The following ZFHX3 variants were observed in gnomAD, a reference collection of about 807,000 sequenced individuals.
The protein encoded by ZFHX3 is zinc finger homeobox 3, also known as zinc finger homeobox protein 3.
A neutral mutation model predicts 279.1 loss-of-function variants in ZFHX3; 42 were observed. The ratio of observed to expected loss-of-function variants is 0.15; its 90% CI spans 0.12 to 0.19. ZFHX3 has a LOEUF of 0.19. Among genes scored for constraint, ZFHX3 ranks in the 10% least tolerant of loss-of-function variants. The pLI is 1.00. For synonymous variants in ZFHX3, 2,293 were observed against 1,957.8 expected (o/e 1.17, Z -4.52); for missense variants, 4,981 against 4,754.0 (o/e 1.05, Z -1.40).
Position 72,787,709 on chromosome 16 carries a change from C to CGCT in ZFHX3, c.10566_10567insAGC (p.Gly3522_Gly3523insSer), listed in dbSNP as rs1344945326. The CGCT allele has an allele frequency of 7.1e-7, 1 of 1,398,694 alleles. No individual in the cohort carries two copies. The highest frequency in any genetic ancestry group is 1.5e-5 in the African/African-American group (1 of 67,832). The allele number at this position is 1,398,694 out of a possible 1,614,324, so 86.6% of individuals were successfully genotyped here. Reference sequence around the variant, plus strand: ...CAGTGGTACGAGCCGCCGCCGCCGCCGCCGCCGCCACCGCCGCCGCCGCCG... The same window carrying CGCT: ...CAGTGGTACGAGCCGCCGCCGCCGCCGCTGCCGCCGCCACCGCCGCCGCCGCCG... On this transcript the variant is annotated inframe_insertion, in exon 10 of 10. Transcript: ENST00000268489.
intron 2 of ZFHX3, among the ~76,000 whole-genome samples, chr16:73,626,663 C>T (rs2052419993): frequency 1.3e-5 from 2 of 151,992 alleles, no homozygotes; most frequent in South Asian, 4.2e-4. Flanking sequence ...GAATGCTGTC[C>T]CTCTTTCCAT....
intron 7 of ZFHX3, among the ~76,000 whole-genome samples, chr16:73,113,813 T>TTTTTTA (rs57149538): frequency 5.3e-5 from 8 of 150,060 alleles, no homozygotes; most frequent in Admixed American, 2.0e-4. Flanking sequence ...TTTTTTTTTT[T>TTTTTTA]AGACAGAGTC....
chr16:73,041,994 G>A (rs559453864), intron 1 of ZFHX3, among the ~76,000 whole-genome samples: 18 of 152,278 alleles, frequency 1.2e-4, no homozygotes, highest in Admixed American at 7.2e-4. Context: ...CAACTTCCAC[G>A]GGACAAAGAT....
At chr16:73,543,275 A>G (rs1325353059) in intron 2 of ZFHX3, among the ~76,000 whole-genome samples, 1 of 152,242 alleles carries the variant, frequency 6.6e-6, no homozygotes, top group Non-Finnish European at 1.5e-5. Flanking sequence ...TGAATTTAAA[A>G]TCTTTCTGAA....
At chr16:73,484,724 A>G (rs2018942908) in intron 2 of ZFHX3, among the ~76,000 whole-genome samples, 1 of 152,230 alleles carries the variant, frequency 6.6e-6, no homozygotes, top group Non-Finnish European at 1.5e-5. Flanking sequence ...CCTATGTTTT[A>G]GCATCTGTTG....
At chr16:73,716,729 G>C (rs1378016814) in intron 1 of ZFHX3, among the ~76,000 whole-genome samples, 2 of 151,996 alleles carry the variant, frequency 1.3e-5, no homozygotes, top group Non-Finnish European at 2.9e-5. Flanking sequence ...TTCACACAGA[G>C]TGATGGCTTC....
chr16:73,368,870 A>G (rs1203861389), intron 3 of ZFHX3, among the ~76,000 whole-genome samples: 1 of 152,194 alleles, frequency 6.6e-6, no homozygotes, highest in Admixed American at 6.5e-5. Context: ...TGGTAAGGAA[A>G]CTCAAATTCA....
At chr16:72,822,719 A>G (rs2036825848) in intron 5 of ZFHX3, among the ~76,000 whole-genome samples, 1 of 151,158 alleles carries the variant, frequency 6.6e-6, no homozygotes, top group African/African-American at 2.4e-5. Context: ...ACTGCCCTTT[A>G]TCTATACCTT....
intron 4 of ZFHX3, among the ~76,000 whole-genome samples, chr16:73,302,058 A>T (rs1386234204): frequency 6.9e-6 from 1 of 143,998 alleles, no homozygotes; most frequent in African/African-American, 2.7e-5. Context: ...CCAGGAAAAT[A>T]AAAAAAAAAT....
intron 3 of ZFHX3, among the ~76,000 whole-genome samples, chr16:73,368,596 A>G (rs1442750215): frequency 1.3e-5 from 2 of 152,222 alleles, no homozygotes; most frequent in Non-Finnish European, 2.9e-5. Context: ...TGTCACTTGA[A>G]TCACTTAAAA....
At chr16:73,849,300 G>C (rs1331191263) in intron 1 of ZFHX3, among the ~76,000 whole-genome samples, 1 of 152,154 alleles carries the variant, frequency 6.6e-6, no homozygotes, top group Non-Finnish European at 1.5e-5. Flanking sequence ...GTTGAACTTT[G>C]AATCTGAATA....
chr16:73,482,317 C>G (rs538587012), intron 2 of ZFHX3, among the ~76,000 whole-genome samples: 1 of 152,304 alleles, frequency 6.6e-6, no homozygotes, highest in East Asian at 1.9e-4. Context: ...TTCCTAGGAA[C>G]AGTGAGGTCC....
At chr16:73,802,057 C>G (rs1042213930) in intron 1 of ZFHX3, among the ~76,000 whole-genome samples, 6 of 152,138 alleles carry the variant, frequency 3.9e-5, no homozygotes, top group Non-Finnish European at 5.9e-5. Flanking sequence ...TCAGTCCTGT[C>G]AAAGGTAACA....
At position 73,272,033 on chromosome 16, in the gene ZFHX3, G is replaced by A. The variant is rs74030029; in HGVS notation, c.-1193-14897C>T. On this transcript the variant is annotated intron_variant, in intron 4 of 17. Coordinates refer to the ZFHX3 transcript ENST00000641206. ...GACAAGCAACCCATACCTCAGGGAG[G>A]CTGTATAACCATCTAAGTTCACACA... is the stretch of plus-strand genomic sequence containing the variant. 2.6e-3 allele frequency among the ~76,000 whole-genome samples: 394 copies of A among 152,272 alleles called. 3 individuals are homozygous for A. Among genetic ancestry groups the A allele is most frequent in the African/African-American group, 8.7e-3 (363 of 41,560 alleles).
chr16:73,610,331 C>A (rs1248894811), intron 2 of ZFHX3, among the ~76,000 whole-genome samples: 1 of 152,186 alleles, frequency 6.6e-6, no homozygotes, highest in Non-Finnish European at 1.5e-5. Flanking sequence ...ACACCTCCAT[C>A]GTCGTATTTG....
chr16:73,724,376 C>T (rs1469749321), intron 1 of ZFHX3, among the ~76,000 whole-genome samples: 1 of 152,308 alleles, frequency 6.6e-6, no homozygotes, highest in Middle Eastern at 3.4e-3. Context: ...GCAGAAAATA[C>T]CCACAGATGA....
chr16:73,758,148 G>T (rs1035384333), intron 1 of ZFHX3, among the ~76,000 whole-genome samples: 12 of 152,082 alleles, frequency 7.9e-5, no homozygotes, highest in Non-Finnish European at 1.0e-4. Flanking sequence ...TCCCAAAGGG[G>T]CCCATTCCAC....
At chr16:72,974,523 GACAAA>G (rs1238179633) in intron 1 of ZFHX3, among the ~76,000 whole-genome samples, 1 of 151,688 alleles carries the variant, frequency 6.6e-6, no homozygotes, top group Non-Finnish European at 1.5e-5. Context: ...CTGGCACCAT[GACAAA>G]ACAAACAAGG....
intron 1 of ZFHX3, among the ~76,000 whole-genome samples, chr16:73,799,727 C>T (rs1279173134): frequency 6.6e-6 from 1 of 152,144 alleles, no homozygotes; most frequent in Non-Finnish European, 1.5e-5. Context: ...CAGAATCAAC[C>T]CCAAAGGCGA....
Sources: gnomAD v4.1 joint callset for allele counts (sites outside exome capture counted in the v4.1 genomes callset) on GRCh38, gnomAD v4.1.1 for gene constraint, MANE v1.5 for transcripts, NCBI Gene and HGNC (gene_info 2026-07-23, HGNC 2026-07-21) for gene names.